Variants in RAB38 observed in about 807,000 individuals in gnomAD.
RAB38 encodes the protein ras-related protein Rab-38.
RAB38 carries 15 observed loss-of-function variants against 18.4 expected under a neutral mutation model. The ratio of observed to expected loss-of-function variants is 0.82; its 90% confidence interval spans 0.55 to 1.26. The LOEUF (loss-of-function observed/expected upper bound fraction) is 1.26. Among genes scored for constraint, RAB38 ranks in the 50% most tolerant of loss-of-function variants. The pLI is 0.00. For synonymous variants in RAB38, 101 were observed against 104.4 expected (o/e 0.97, Z 0.20); for missense variants, 294 against 267.4 (o/e 1.10, Z -0.69).
intron 2 of RAB38, among the ~76,000 whole-genome samples, chr11:88,116,390 C>T (rs1386923432): frequency 1.3e-5 from 2 of 152,184 alleles, no homozygotes; most frequent in African/African-American, 2.4e-5. Flanking sequence ...CTTTGATTCC[C>T]ATTTGGCTAT....
the RAB38 span, among the ~76,000 whole-genome samples, chr11:87,803,986 G>T: frequency 1.3e-5 from 2 of 152,206 alleles, no homozygotes; most frequent in South Asian, 4.1e-4. Flanking sequence ...CTGAGTGAAT[G>T]TGTGTACTTC....
the RAB38 span, among the ~76,000 whole-genome samples, chr11:88,038,912 A>G: frequency 6.6e-6 from 1 of 152,198 alleles, no homozygotes; most frequent in Admixed American, 6.5e-5. Context: ...TTATTTATTT[A>G]TTTGCTATGT....
the RAB38 span, among the ~76,000 whole-genome samples, chr11:87,810,778 AT>A: frequency 1.4e-5 from 2 of 147,980 alleles, no homozygotes; most frequent in Admixed American, 6.9e-5. Context: ...CTTGCTTGAA[AT>A]TTTCAACAGC....
chr11:87,962,228 A>T, the RAB38 span, among the ~76,000 whole-genome samples: 5 of 152,132 alleles, frequency 3.3e-5, no homozygotes, highest in African/African-American at 7.2e-5. Context: ...AGCATCTTTT[A>T]AAAAAATCCC....
At chr11:87,857,900 G>A in the RAB38 span, among the ~76,000 whole-genome samples, 1 of 152,128 alleles carries the variant, frequency 6.6e-6, no homozygotes, top group African/African-American at 2.4e-5. Context: ...GGCTTTTGTT[G>A]CCACTGCTTT....
downstream of RAB38, among the ~76,000 whole-genome samples, chr11:88,108,723 G>C (rs1214825532): frequency 1.3e-5 from 2 of 152,154 alleles, no homozygotes; most frequent in Non-Finnish European, 2.9e-5. Context: ...AGTTGATGCA[G>C]TTTCTTCATA....
At chr11:88,062,560 G>A in the RAB38 span, among the ~76,000 whole-genome samples, 1 of 152,248 alleles carries the variant, frequency 6.6e-6, no homozygotes, top group Non-Finnish European at 1.5e-5. Flanking sequence ...CACTTAAGAA[G>A]TATCTCTAAG....
chr11:87,915,134 A>T, the RAB38 span, among the ~76,000 whole-genome samples: 1 of 152,158 alleles, frequency 6.6e-6, no homozygotes, highest in Non-Finnish European at 1.5e-5. Flanking sequence ...TGTAACCCCA[A>T]ATGGAAAAGT....
chr11:87,913,505 AAT>A, the RAB38 span, among the ~76,000 whole-genome samples: 1 of 152,132 alleles, frequency 6.6e-6, no homozygotes, highest in Non-Finnish European at 1.5e-5. Flanking sequence ...GTGTAATATG[AAT>A]ATAGTCATTC....
the RAB38 span, among the ~76,000 whole-genome samples, chr11:87,850,023 G>A: frequency 1.3e-5 from 2 of 151,928 alleles, no homozygotes; most frequent in African/African-American, 4.8e-5. Flanking sequence ...AATAATAAAA[G>A]TTATACCTTA....
At chr11:87,811,384 G>A in the RAB38 span, among the ~76,000 whole-genome samples, 1 of 152,196 alleles carries the variant, frequency 6.6e-6, no homozygotes, top group East Asian at 1.9e-4. Context: ...TAGAAAGGCA[G>A]TGTCATAATT....
chr11:88,136,671 T>C (rs1942839717), intron 2 of RAB38, among the ~76,000 whole-genome samples: 2 of 152,142 alleles, frequency 1.3e-5, no homozygotes, highest in African/African-American at 2.4e-5. Flanking sequence ...CTAAAAGTAA[T>C]AGAGAAGTAG....
the RAB38 span, among the ~76,000 whole-genome samples, chr11:88,004,121 C>A: frequency 6.8e-6 from 1 of 146,484 alleles, no homozygotes; most frequent in South Asian, 2.1e-4. Flanking sequence ...CTCGTTTTAG[C>A]AGTTATTAAA....
chr11:88,056,828 AATAAATACATACATAC>A, the RAB38 span, among the ~76,000 whole-genome samples: 70,507 of 148,610 alleles, frequency 0.47, 17,536 homozygotes, highest in South Asian at 0.61. Context: ...TAAATAAATA[AATAAATACATACATAC>A]ATACATACAT....
At chr11:87,912,199 C>T in the RAB38 span, among the ~76,000 whole-genome samples, 6 of 151,938 alleles carry the variant, frequency 3.9e-5, no homozygotes, top group East Asian at 5.8e-4. Flanking sequence ...TTAGTGTCAG[C>T]GTAATACTGG....
chr11:88,009,487 T>C, the RAB38 span, among the ~76,000 whole-genome samples: 1 of 152,184 alleles, frequency 6.6e-6, no homozygotes, highest in African/African-American at 2.4e-5. Flanking sequence ...AATCTTCCAC[T>C]TATCCTGCAT....
the RAB38 span, among the ~76,000 whole-genome samples, chr11:87,833,629 G>C: frequency 2.0e-5 from 3 of 152,256 alleles, no homozygotes; most frequent in East Asian, 5.8e-4. Context: ...CAAAAATCTT[G>C]TAAGTACTGT....
At chr11:87,967,714 AAAG>A in the RAB38 span, among the ~76,000 whole-genome samples, 2 of 152,210 alleles carry the variant, frequency 1.3e-5, no homozygotes, top group Non-Finnish European at 2.9e-5. Flanking sequence ...AGTCCTCTCC[AAAG>A]AAGAAGTGAC....
the RAB38 span, among the ~76,000 whole-genome samples, chr11:88,027,968 G>T: frequency 1.3e-5 from 2 of 152,184 alleles, no homozygotes; most frequent in African/African-American, 4.8e-5. Flanking sequence ...GCCTAACTGG[G>T]AGGCACCCCC....
Sources: allele counts gnomAD v4.1 joint callset (sites outside exome capture counted in the v4.1 genomes callset), GRCh38; gene constraint gnomAD v4.1.1; transcripts MANE v1.5; gene names NCBI Gene and HGNC (gene_info 2026-07-23, HGNC 2026-07-21).